The following SNX4 variants were observed in gnomAD, a reference collection of about 807,000 sequenced individuals.
SNX4 encodes the protein sorting nexin 4.
Under a neutral mutation model 70.8 loss-of-function variants are expected in SNX4, and 49 were observed. The ratio of observed to expected loss-of-function variants is 0.69; its 90% CI spans 0.55 to 0.88. The LOEUF (loss-of-function observed/expected upper bound fraction) is 0.88. SNX4 is among the 40% of genes least tolerant of loss of function. SNX4 has a pLI of 0.00. For synonymous variants in SNX4, 206 were observed against 183.8 expected (o/e 1.12, Z -0.98); for missense variants, 528 against 544.8 (o/e 0.97, Z 0.31).
chr3:125,453,851 A>C lies in SNX4; in HGVS notation c.1149T>G (p.Asn383Lys). 6.2e-7 allele frequency: 1 copy of C among 1,613,878 alleles called. No homozygotes were observed. The stretch of plus-strand genomic sequence containing the variant: ...TAGACTTTAGCTGTTGTTCTCCTTC[A>C]TTTATTTGTTCTTCTAGCACCTTTA... The part of the protein sequence containing the change: ...ARIKVLEEQI[N>K]EGEQQLKSKN... Residue 383 changes from asparagine to lysine, a missense_variant, in exon 12 of 14, where the codon AAT (asparagine) becomes AAG (lysine). By Grantham distance (94) the Asn-to-Lys change is moderately conservative. Coordinates refer to ENST00000251775, the MANE Select transcript of SNX4 (RefSeq NM_003794.4).
chr3:125,503,257 ATTTGT>A (rs1934972744), intron 2 of SNX4, among the ~76,000 whole-genome samples: 1 of 152,170 alleles, frequency 6.6e-6, no homozygotes, highest in Non-Finnish European at 1.5e-5. Flanking sequence ...TCTCATATCT[ATTTGT>A]TTTAATTGAA....
intron 5 of SNX4, among the ~76,000 whole-genome samples, chr3:125,495,277 T>TATATATATACATACAC: frequency 5.9e-4 from 59 of 99,604 alleles, no homozygotes; most frequent in South Asian, 1.4e-3. Flanking sequence ...TATATATATA[T>TATATATATACATACAC]ACACATACAC....
Position 125,514,782 on chromosome 3 carries a change from T to G in SNX4, c.141+5250A>C, listed in dbSNP as rs115752197. The stretch of plus-strand genomic sequence containing the variant: ...TGGCTCACTGCAGCCTCAACCTCCC[T>G]GGTTCTTGCTCCCACCTCAGCCTCC... On this transcript the variant is annotated intron_variant, in intron 1 of 13. Coordinates refer to ENST00000251775, the MANE Select transcript of SNX4 (RefSeq NM_003794.4). Among the ~76,000 whole-genome samples, 1,239 of 152,222 alleles carry G rather than the reference T, an allele frequency of 8.1e-3. 20 individuals are homozygous for G. The highest frequency in any genetic ancestry group is 0.028 in the African/African-American group (1,164 of 41,550).
At position 125,457,298 on chromosome 3, in the gene SNX4, T is replaced by C; in HGVS notation, c.1012A>G (p.Lys338Glu). ...ACCAGTTCCTCACACTGCTGCTTCT[T>C]GGATGCTAAGTCCTGAGCAGCCATC... ...LEMAAQDLAS[K>E]KQQCEELVTG... The change falls in exon 11 of 14, where the codon AAG becomes GAG. Residue 338 changes from lysine to glutamate, a missense_variant. Lys to Glu is a moderately conservative substitution (Grantham distance 56). This residue lies in a region of SNX4 where 159 missense variants were observed against 172.6 expected (regional missense o/e 0.92). Transcript: ENST00000251775. The C allele has an allele frequency of 6.2e-7, 1 of 1,614,078 alleles. No individual in the cohort carries two copies. Among genetic ancestry groups the C allele is most frequent in the Non-Finnish European group, 8.5e-7 (1 of 1,179,950 alleles).
intron 1 of SNX4, among the ~76,000 whole-genome samples, chr3:125,518,073 C>T (rs903141200): frequency 1.3e-5 from 2 of 152,200 alleles, no homozygotes; most frequent in Non-Finnish European, 2.9e-5. Context: ...ACTACATATA[C>T]ATAGTGTTCT....
chr3:125,451,359 G>A lies in SNX4; in HGVS notation c.1251C>T (p.Asp417=). 6.2e-7 allele frequency: 1 copy of A among 1,613,934 alleles called. No individual in the cohort carries two copies. The highest frequency in any genetic ancestry group is 1.7e-4 in the Middle Eastern group (1 of 6,058). The part of the protein sequence containing the change: ...IERFKEQKNR[D]LKEALISYAV... ...CATAGCTTATGAGGGCCTCCTTTAA[G>A]TCTCGGTTCTTTTGTTCTTTGAAGC... The change falls in exon 13 of 14, where the codon GAC becomes GAT. Residue 417 remains aspartate (D), a synonymous_variant. Transcript: ENST00000251775.
chr3:125,491,798 G>A (rs936485524), intron 5 of SNX4, among the ~76,000 whole-genome samples: 9 of 152,034 alleles, frequency 5.9e-5, no homozygotes, highest in African/African-American at 2.2e-4. Context: ...CTTGATTCTT[G>A]GCTGTCCGTT....
intron 2 of SNX4, among the ~76,000 whole-genome samples, chr3:125,500,891 C>CAAAAAAAA (rs11293773): frequency 1.6e-5 from 2 of 125,808 alleles, no homozygotes; most frequent in Non-Finnish European, 3.4e-5. Flanking sequence ...GGCTAATTTA[C>CAAAAAAAA]AAAAAAAAAA....
At chr3:125,473,666 C>T (rs1290349302) in intron 8 of SNX4, among the ~76,000 whole-genome samples, 7 of 152,130 alleles carry the variant, frequency 4.6e-5, no homozygotes, top group African/African-American at 1.7e-4. Flanking sequence ...CTGCCCGCAT[C>T]GGCCTCTCAA....
intron 12 of SNX4, among the ~76,000 whole-genome samples, chr3:125,453,226 C>T (rs1933621969): frequency 6.6e-6 from 1 of 152,076 alleles, no homozygotes; most frequent in South Asian, 2.1e-4. Context: ...TCACACAGAA[C>T]AATCAATCAT....
chr3:125,462,280 T>C (rs561498590), intron 9 of SNX4, among the ~76,000 whole-genome samples: 1 of 152,252 alleles, frequency 6.6e-6, no homozygotes, highest in Admixed American at 6.5e-5. Flanking sequence ...AATGTGCCAA[T>C]TGATAGGCTG....
At chr3:125,508,419 T>A (rs900299573) in intron 1 of SNX4, among the ~76,000 whole-genome samples, 1 of 151,682 alleles carries the variant, frequency 6.6e-6, no homozygotes, top group East Asian at 1.9e-4. Flanking sequence ...TACACAAAAT[T>A]AGCCGGGCGT....
chr3:125,487,853 A>G (rs1254943019), intron 6 of SNX4, among the ~76,000 whole-genome samples: 1 of 152,044 alleles, frequency 6.6e-6, no homozygotes, highest in Non-Finnish European at 1.5e-5. Flanking sequence ...GAGGATTTTT[A>G]GGACAGTAAT....
intron 1 of SNX4, among the ~76,000 whole-genome samples, chr3:125,516,509 T>C (rs1349381023): frequency 3.3e-5 from 5 of 152,120 alleles, no homozygotes; most frequent in Non-Finnish European, 7.3e-5. Flanking sequence ...GGTAGGATAA[T>C]TGGTATAAAT....
chr3:125,503,763 G>T (rs908311295), intron 2 of SNX4, among the ~76,000 whole-genome samples: 8 of 152,066 alleles, frequency 5.3e-5, no homozygotes, highest in African/African-American at 1.9e-4. Flanking sequence ...AGCATGTATC[G>T]TTATTTGATA....
At chr3:125,449,582 T>C (rs1262068020) in intron 13 of SNX4, among the ~76,000 whole-genome samples, 1 of 152,116 alleles carries the variant, frequency 6.6e-6, no homozygotes, top group Non-Finnish European at 1.5e-5. Flanking sequence ...AACGACAAAA[T>C]TGCATAGTAC....
intron 6 of SNX4, 62 bp from the exon 7 acceptor site, chr3:125,480,381 A>T: frequency 9.5e-7 from 1 of 1,047,550 alleles, no homozygotes; most frequent in Non-Finnish European, 1.4e-6. Context: ...AAAAACTGAA[A>T]GAAAAAAACA....
In SNX4 at chr3:125,447,578, A is replaced by G. The variant is rs1933454810; in HGVS notation, c.*201T>C. On this transcript the variant is annotated 3_prime_UTR_variant, in exon 14 of 14. Transcript: ENST00000251775. Reference sequence around the variant, plus strand: ...TTTGGAATCAGCACCAGTCCCCAAAACCTCAAATTATAATATTTAATCTTC... The same window carrying G: ...TTTGGAATCAGCACCAGTCCCCAAAGCCTCAAATTATAATATTTAATCTTC... 4.7e-6 allele frequency: 2 copies of G among 429,826 alleles called. No homozygotes were observed. Among genetic ancestry groups the G allele is most frequent in the Non-Finnish European group, 8.1e-6 (2 of 248,446 alleles). The allele number at this position is 429,826 out of a possible 1,614,324, so 26.6% of individuals were successfully genotyped here.
chr3:125,500,017 G>A (rs912083454), intron 2 of SNX4, among the ~76,000 whole-genome samples: 5 of 151,460 alleles, frequency 3.3e-5, no homozygotes, highest in African/African-American at 4.9e-5. Context: ...CTGAGATCGC[G>A]CCAACGCACT....
Sources: gnomAD v4.1 joint callset for allele counts (sites outside exome capture counted in the v4.1 genomes callset) on GRCh38, gnomAD v4.1.1 for gene constraint, gnomAD v4.1.1 regional missense constraint, MANE v1.5 for transcripts, NCBI Gene and HGNC (gene_info 2026-07-23, HGNC 2026-07-21) for gene names.